Variants in KPNA3 observed in about 807,000 individuals in gnomAD.
KPNA3 encodes karyopherin subunit alpha 3, also known as importin subunit alpha-4.
In KPNA3, 13 loss-of-function variants were observed where a neutral mutation model predicts 73.8. The observed-to-expected ratio is 0.18, with a 90% CI of 0.11 to 0.28. KPNA3 has a LOEUF of 0.28. KPNA3 is among the 10% of genes least tolerant of loss of function. The pLI is 1.00. For synonymous variants in KPNA3, 186 were observed against 206.9 expected, an observed-to-expected ratio of 0.90 and a Z score of 0.87; for missense variants, 360 against 618.1, an observed-to-expected ratio of 0.58 and a Z score of 4.43.
intron 2 of KPNA3, among the ~76,000 whole-genome samples, chr13:49,741,388 T>C (rs1450251333): frequency 3.3e-5 from 5 of 152,224 alleles, no homozygotes; most frequent in African/African-American, 9.6e-5. Context: ...ATTAGTAATG[T>C]TGAACAATTT....
intron 1 of KPNA3, among the ~76,000 whole-genome samples, chr13:49,789,521 T>A (rs1484900644): frequency 1.3e-5 from 2 of 152,090 alleles, no homozygotes; most frequent in East Asian, 3.8e-4. Flanking sequence ...GCTGCTTCTA[T>A]AATTTATAAC....
chr13:49,738,548 T>G (rs1162223249), intron 2 of KPNA3, among the ~76,000 whole-genome samples: 2 of 152,248 alleles, frequency 1.3e-5, no homozygotes, highest in Non-Finnish European at 2.9e-5. Flanking sequence ...TTTTGTAATA[T>G]TCACTGTATA....
intron 1 of KPNA3, among the ~76,000 whole-genome samples, chr13:49,759,080 C>T (rs1954736414): frequency 1.3e-5 from 2 of 152,088 alleles, no homozygotes; most frequent in South Asian, 4.1e-4. Context: ...AAAGACAATA[C>T]AATTATTATC....
intron 1 of KPNA3, among the ~76,000 whole-genome samples, chr13:49,789,735 G>C (rs1282164161): frequency 6.6e-6 from 1 of 151,944 alleles, no homozygotes; most frequent in African/African-American, 2.4e-5. Context: ...CATCAGATTT[G>C]ACCCCAGTTT....
intron 1 of KPNA3, among the ~76,000 whole-genome samples, chr13:49,763,673 A>G (rs1251693636): frequency 6.6e-6 from 1 of 152,192 alleles, no homozygotes; most frequent in Non-Finnish European, 1.5e-5. Context: ...AGTGCCTCAC[A>G]CCTGTAATCC....
intron 9 of KPNA3, among the ~76,000 whole-genome samples, chr13:49,721,233 G>A (rs200159766): frequency 1.4e-5 from 2 of 146,148 alleles, no homozygotes; most frequent in African/African-American, 2.6e-5. Flanking sequence ...AGAAGAAGAA[G>A]AAAAAAAATC....
intron 2 of KPNA3, among the ~76,000 whole-genome samples, chr13:49,733,711 G>A (rs1482522922): frequency 6.6e-6 from 1 of 152,190 alleles, no homozygotes; most frequent in Non-Finnish European, 1.5e-5. Context: ...TTTGGCAATG[G>A]GACATTAAGC....
At chr13:49,761,451 G>A (rs1402130357) in intron 1 of KPNA3, among the ~76,000 whole-genome samples, 99 of 152,250 alleles carry the variant, frequency 6.5e-4, no homozygotes, top group African/African-American at 2.3e-3. Flanking sequence ...GTGTTGGCCG[G>A]GCTGGTCTCC....
chr13:49,769,475 C>G (rs1051051100), intron 1 of KPNA3, among the ~76,000 whole-genome samples: 9 of 152,202 alleles, frequency 5.9e-5, no homozygotes, highest in African/African-American at 2.2e-4. Context: ...AATCACTAAT[C>G]TACTTTCTGT....
At chr13:49,747,333 C>T (rs1954625213) in intron 1 of KPNA3, among the ~76,000 whole-genome samples, 1 of 150,058 alleles carries the variant, frequency 6.7e-6, no homozygotes, top group Non-Finnish European at 1.5e-5. Context: ...GGCGACAGAG[C>T]GAGACTGCAT....
At chr13:49,784,000 C>A (rs1344666413) in intron 1 of KPNA3, among the ~76,000 whole-genome samples, 1 of 152,094 alleles carries the variant, frequency 6.6e-6, no homozygotes, top group East Asian at 1.9e-4. Flanking sequence ...TGGCTATAAT[C>A]CCAGCATTTT....
At chr13:49,771,239 T>G (rs928902585) in intron 1 of KPNA3, among the ~76,000 whole-genome samples, 5 of 152,176 alleles carry the variant, frequency 3.3e-5, no homozygotes, top group African/African-American at 1.2e-4. Context: ...CTTAGTTCAT[T>G]TGGAGATTAC....
intron 1 of KPNA3, among the ~76,000 whole-genome samples, chr13:49,790,095 A>G (rs1468053469): frequency 1.3e-5 from 2 of 152,166 alleles, no homozygotes; most frequent in Non-Finnish European, 1.5e-5. Flanking sequence ...TAGATACCCA[A>G]TAGACAATTA....
chr13:49,702,366 C>T lies in KPNA3; in HGVS notation c.1467+20G>A, dbSNP rs1490382892. The stretch of plus-strand genomic sequence containing the variant: ...GTTTTCATTTACATGAAGATACACG[C>T]TATTTTAATATCTACTTACATCATC... On this transcript the variant is annotated intron_variant, in intron 16 of 16. Coordinates refer to ENST00000261667, the MANE Select transcript of KPNA3 (RefSeq NM_002267.4). 2 of 1,186,944 alleles carry T rather than the reference C, an allele frequency of 1.7e-6. No individual in the cohort carries two copies. The highest frequency in any genetic ancestry group is 3.1e-5 in the African/African-American group (2 of 65,082). The allele number at this position is 1,186,944 out of a possible 1,614,324, so 73.5% of individuals were successfully genotyped here.
intron 10 of KPNA3, among the ~76,000 whole-genome samples, chr13:49,711,853 G>C (rs1182944657): frequency 3.3e-5 from 5 of 152,206 alleles, no homozygotes; most frequent in African/African-American, 9.7e-5. Context: ...AAAGGATATA[G>C]ATGAATAAAT....
chr13:49,715,352 T>A (rs1380332583), intron 10 of KPNA3, among the ~76,000 whole-genome samples: 1 of 152,236 alleles, frequency 6.6e-6, no homozygotes, highest in South Asian at 2.1e-4. Context: ...ACATTAAATA[T>A]GACTAGTCTG....
intron 1 of KPNA3, among the ~76,000 whole-genome samples, chr13:49,761,651 C>G (rs375711550): frequency 6.6e-6 from 1 of 151,600 alleles, no homozygotes; most frequent in Non-Finnish European, 1.5e-5. Context: ...AGCCTCTGCC[C>G]AGCCGCCACC....
chr13:49,781,938 T>C (rs1319142650), intron 1 of KPNA3, among the ~76,000 whole-genome samples: 1 of 152,192 alleles, frequency 6.6e-6, no homozygotes, highest in Non-Finnish European at 1.5e-5. Flanking sequence ...AGCTGAAGAA[T>C]CAAGCCTACG....
chr13:49,791,683 C>G (rs9568332), intron 1 of KPNA3, among the ~76,000 whole-genome samples: 13,720 of 151,780 alleles, frequency 0.09, 680 homozygotes, highest in South Asian at 0.12. Context: ...AAAACAAGTC[C>G]TATGAGCGGA....
Sources: allele counts gnomAD v4.1 joint callset (sites outside exome capture counted in the v4.1 genomes callset), GRCh38; gene constraint gnomAD v4.1.1; transcripts MANE v1.5; gene names NCBI Gene and HGNC (gene_info 2026-07-23, HGNC 2026-07-21).